Variants in NADSYN1 observed in about 807,000 individuals in gnomAD.
NADSYN1 encodes NAD synthetase 1.
A neutral mutation model predicts 99.3 loss-of-function variants in NADSYN1; 80 were observed. The observed-to-expected ratio is 0.81, with a 90% CI of 0.67 to 0.97. The LOEUF (loss-of-function observed/expected upper bound fraction) is 0.97, where lower values mean the gene tolerates loss of function less well. Among genes scored for constraint, NADSYN1 ranks in the 50% least tolerant of loss-of-function variants. NADSYN1 has a pLI of 0.00. For missense variants in NADSYN1, 859 were observed against 948.5 expected (o/e 0.91, Z 1.24); for synonymous variants, 385 against 372.1 (o/e 1.03, Z -0.40).
In NADSYN1 at chr11:71,501,325, G is replaced by A. The variant is rs564760039; in HGVS notation, c.2094G>A (p.Glu698=). The stretch of plus-strand genomic sequence containing the variant: ...AGGTGCTACAGCTCGAGAGGGCAGA[G>A]CCACAGTCCCTGGACGGCGTGGACT... The part of the protein sequence containing the change: ...ENQVLQLERA[E]PQSLDGVD The change falls in exon 21 of 21, where the codon GAG becomes GAA. Residue 698 remains glutamate (E), a synonymous_variant. Transcript: ENST00000319023. 1.2e-6 allele frequency: 2 copies of A among 1,606,392 alleles called. No individual in the cohort carries two copies. Among genetic ancestry groups the A allele is most frequent in the Middle Eastern group, 1.7e-4 (1 of 6,034 alleles).
At chr11:71,485,797 C>A (rs552087730) in intron 16 of NADSYN1, 149 bp downstream of exon 16, 2 of 617,932 alleles carry the variant, frequency 3.2e-6, no homozygotes, top group Non-Finnish European at 5.4e-6. Context: ...TCACCCAACC[C>A]GAGTGGCAGA....
intron 16 of NADSYN1, among the ~76,000 whole-genome samples, chr11:71,488,568 C>A (rs1949759350): frequency 6.6e-6 from 1 of 152,092 alleles, no homozygotes; most frequent in East Asian, 1.9e-4. Flanking sequence ...ACGTCAGAGA[C>A]AGCTGTTTCC....
In NADSYN1 at chr11:71,490,843, A is replaced by G. The variant is rs1341089861; in HGVS notation, c.1563-2A>G. On this transcript the variant is annotated splice_acceptor_variant, in intron 16 of 20. Coordinates refer to ENST00000319023, the MANE Select transcript of NADSYN1 (RefSeq NM_018161.5). LOFTEE classifies it high-confidence loss of function. ...CCGCGCTCTTTCTCCCTCTCCCTGC[A>G]GTCTCCTGGGCTACCTGACCAAGTA... 2 of 1,614,046 alleles carry G rather than the reference A, an allele frequency of 1.2e-6. No homozygotes were observed. Among genetic ancestry groups the G allele is most frequent in the Non-Finnish European group, 1.7e-6 (2 of 1,179,950 alleles).
chr11:71,462,325 AC>A (rs1949555951), intron 3 of NADSYN1, among the ~76,000 whole-genome samples: 3 of 152,142 alleles, frequency 2.0e-5, no homozygotes, highest in African/African-American at 7.2e-5. Context: ...GGTCTCCACA[AC>A]CCGCTATCAT....
At chr11:71,460,407 A>G (rs950918728) in intron 3 of NADSYN1, among the ~76,000 whole-genome samples, 3 of 152,084 alleles carry the variant, frequency 2.0e-5, no homozygotes, top group East Asian at 1.9e-4. Flanking sequence ...CTGGAGTGCC[A>G]TGGTGCCATC....
rs766783232 is a variant in NADSYN1, at chr11:71,501,377, C to T, written c.*25C>T. The T allele has an allele frequency of 6.3e-7, 1 of 1,584,400 alleles. No homozygotes were observed. The highest frequency in any genetic ancestry group is 2.3e-5 in the East Asian group (1 of 43,474). ...AGGCCGGTTCCTTCCTGGAGGCCTC[C>T]TGTCCTCGGGGACCCCAGCACCTCA... On this transcript the variant is annotated 3_prime_UTR_variant, in exon 21 of 21. Coordinates refer to ENST00000319023, the MANE Select transcript of NADSYN1 (RefSeq NM_018161.5).
chr11:71,470,882 G>T lies in NADSYN1; in HGVS notation c.408-1567G>T, dbSNP rs560936315. Among the ~76,000 whole-genome samples the T allele has an allele frequency of 4.6e-4, 70 of 152,164 alleles. No individual in the cohort carries two copies. In the South Asian group the frequency reaches 6.0e-3, roughly 13 times the overall value. On this transcript the variant is annotated intron_variant, in intron 5 of 20. Coordinates refer to ENST00000319023, the MANE Select transcript of NADSYN1 (RefSeq NM_018161.5). ...TTTCATCTTCTTTCTAACCATCACT[G>T]TCTTCGTTTATTTGTATTTTTTTTC...
intron 2 of NADSYN1, among the ~76,000 whole-genome samples, chr11:71,456,459 C>T (rs950071913): frequency 1.3e-5 from 2 of 152,198 alleles, no homozygotes; most frequent in Admixed American, 6.5e-5. Context: ...AAGGCCTGAT[C>T]GTCTCGTGAG....
At chr11:71,464,004 C>G in intron 4 of NADSYN1, 49 bp from the exon 5 acceptor site, 1 of 1,475,950 alleles carries the variant, frequency 6.8e-7, no homozygotes, top group Non-Finnish European at 9.3e-7. Flanking sequence ...GCCAGTGGCA[C>G]GTTCATCTCA....
chr11:71,469,737 G>A (rs2511010), intron 5 of NADSYN1, among the ~76,000 whole-genome samples: 42,653 of 151,784 alleles, frequency 0.28, 6,497 homozygotes, highest in South Asian at 0.46. Context: ...CAGCATGGGC[G>A]TCATAGCCAT....
chr11:71,482,801 C>G (rs778529866), intron 13 of NADSYN1, 48 bp from the exon 14 acceptor site: 1 of 1,598,304 alleles, frequency 6.3e-7, no homozygotes, highest in South Asian at 1.1e-5. Context: ...ATGTAAACAT[C>G]CCACACACTC....
At chr11:71,464,017 A>T (rs1425500980) in intron 4 of NADSYN1, 36 bp from the exon 5 acceptor site, 9 of 1,541,190 alleles carry the variant, frequency 5.8e-6, no homozygotes, top group Non-Finnish European at 8.0e-6. Context: ...TCATCTCAGG[A>T]GCCCGGTGTG....
rs371680374 is a variant in NADSYN1 at position 71,473,355 on chromosome 11, G to C, written c.537G>C (p.Trp179Cys). Reference protein sequence around the residue: ...CIGSEICEELWTPHSPHIDMG... With the variant: ...CIGSEICEELCTPHSPHIDMG... ...GAAGTGAGATCTGTGAGGAGCTCTGGACACCCCACAGGTCAGCCCCATGCC... is the reference window on the plus strand; with the variant it reads ...GAAGTGAGATCTGTGAGGAGCTCTGCACACCCCACAGGTCAGCCCCATGCC... Residue 179 changes from tryptophan to cysteine, a missense_variant, in exon 7 of 21, where the codon TGG (tryptophan) becomes TGC (cysteine). Trp to Cys is a radical substitution (Grantham distance 215). Transcript: ENST00000319023. The C allele has an allele frequency of 6.2e-7, 1 of 1,613,990 alleles. No individual in the cohort carries two copies. Among genetic ancestry groups the C allele is most frequent in the African/African-American group, 1.3e-5 (1 of 74,950 alleles).
In NADSYN1 at chr11:71,469,248, G is replaced by A. The variant is rs146919911; in HGVS notation, c.408-3201G>A. ...CAAAGTGGTCAGAAGTTCAGGATTC[G>A]AGACCAGCTCAGAAGTTCGAGACCA... On this transcript the variant is annotated intron_variant, in intron 5 of 20. Coordinates refer to ENST00000319023, the MANE Select transcript of NADSYN1 (RefSeq NM_018161.5). Among the ~76,000 whole-genome samples the A allele has an allele frequency of 5.1e-3, 779 of 152,226 alleles. 12 individuals are homozygous for A. The highest frequency in any genetic ancestry group is 0.018 in the African/African-American group (745 of 41,528).
At chr11:71,473,507 G>T in intron 7 of NADSYN1, 62 bp from the exon 8 acceptor site, 1 of 1,546,500 alleles carries the variant, frequency 6.5e-7, no homozygotes, top group South Asian at 1.1e-5. Flanking sequence ...GCAAGGGGCT[G>T]CCAGGGAGGC....
intron 18 of NADSYN1, 200 bp from the exon 19 acceptor site, chr11:71,497,283 G>T: frequency 1.6e-6 from 1 of 606,726 alleles, no homozygotes; most frequent in Non-Finnish European, 2.8e-6. Flanking sequence ...CAAACCAAAT[G>T]CCTGGTTCTT....
intron 9 of NADSYN1, chr11:71,476,009 C>T (rs532832825): frequency 2.5e-4 from 116 of 456,060 alleles, no homozygotes; most frequent in African/African-American, 2.1e-3. Context: ...CCACCGCACC[C>T]GGCCTCTCTT....
intron 11 of NADSYN1, 135 bp downstream of exon 11, chr11:71,481,014 C>T: frequency 8.2e-7 from 1 of 1,213,646 alleles, no homozygotes. Flanking sequence ...ACTGTGCATC[C>T]CCTGGGTTGA....
rs772072150 is a variant in NADSYN1 at position 71,463,435 on chromosome 11, T to C, written c.267T>C (p.Pro89=). The change falls in exon 4 of 21, where the codon CCT becomes CCC. Residue 89 remains proline (P), a synonymous_variant. Transcript: ENST00000319023. ...TQDIICDVGM[P]VMHRNVRYNC... Reference sequence around the variant, plus strand: ...GTACCTCCCCTCTCTCCTGCAGGCCTGTAATGCACCGAAACGTCCGCTACA... The same window carrying C: ...GTACCTCCCCTCTCTCCTGCAGGCCCGTAATGCACCGAAACGTCCGCTACA... 3 of 1,613,834 alleles carry C rather than the reference T, an allele frequency of 1.9e-6. No homozygotes were observed. The highest frequency in any genetic ancestry group is 2.5e-6 in the Non-Finnish European group (3 of 1,179,886).
Sources: allele counts gnomAD v4.1 joint callset (sites outside exome capture counted in the v4.1 genomes callset), GRCh38; gene constraint gnomAD v4.1.1; transcripts MANE v1.5; gene names NCBI Gene and HGNC (gene_info 2026-07-23, HGNC 2026-07-21).